Variants in NSD2 observed in about 807,000 individuals in gnomAD.
The protein encoded by NSD2 is nuclear receptor binding SET domain protein 2, also known as histone-lysine N-methyltransferase NSD2.
A neutral mutation model predicts 139.0 loss-of-function variants in NSD2; 12 were observed. The ratio of observed to expected loss-of-function variants is 0.09; its 90% CI spans 0.06 to 0.14. The LOEUF is 0.14. Among genes scored for constraint, NSD2 ranks in the 10% least tolerant of loss-of-function variants. The probability of loss-of-function intolerance (pLI) is 1.00; values close to 1 mark genes in which losing one functional copy is unlikely to be tolerated. For missense variants in NSD2, 1,155 were observed against 1,745.0 expected (o/e 0.66, Z 6.02); for synonymous variants, 669 against 648.7 (o/e 1.03, Z -0.48).
chr4:1,975,217 G>A, intron 19 of NSD2, 77 bp from the exon 20 acceptor site: 1 of 1,468,644 alleles, frequency 6.8e-7, no homozygotes, highest in Non-Finnish European at 9.5e-7. Flanking sequence ...TATTTTTGTT[G>A]ACCTAATACA....
chr4:1,945,331 C>G (rs1342009135), intron 9 of NSD2: 1 of 1,065,630 alleles, frequency 9.4e-7, no homozygotes, highest in Non-Finnish European at 1.1e-6. Flanking sequence ...GAGAGCCATG[C>G]TGTCAGGAGC....
At chr4:1,943,348 A>G (rs943732559) in intron 9 of NSD2, 47 of 1,043,068 alleles carry the variant, frequency 4.5e-5, no homozygotes, top group Non-Finnish European at 5.0e-5. Flanking sequence ...AATGTAACGC[A>G]TGTAAGATGC....
rs576975475 is a variant in NSD2 at position 1,968,735 on chromosome 4, A to C, written c.3373-6128A>C. On this transcript the variant is annotated intron_variant, in intron 18 of 21. Coordinates refer to ENST00000508803, the MANE Select transcript of NSD2 (RefSeq NM_001042424.3). ...TTAGGGTCAGTACATAGTAACAACAAGGAAAGGCTCCCACAGGCCTTAATG... is the reference window on the plus strand; with the variant it reads ...TTAGGGTCAGTACATAGTAACAACACGGAAAGGCTCCCACAGGCCTTAATG... Among the ~76,000 whole-genome samples, 3 of 152,338 alleles carry C rather than the reference A, an allele frequency of 2.0e-5. No individual in the cohort carries two copies. The South Asian group carries it at 6.2e-4, about 32-fold the overall frequency.
At chr4:1,879,011 C>T (rs1714507794) in intron 1 of NSD2, among the ~76,000 whole-genome samples, 1 of 152,048 alleles carries the variant, frequency 6.6e-6, no homozygotes, top group Non-Finnish European at 1.5e-5. Flanking sequence ...GAAAGTGGGC[C>T]TCGCTTCTGA....
intron 18 of NSD2, among the ~76,000 whole-genome samples, chr4:1,970,247 C>A (rs976593463): frequency 1.4e-4 from 21 of 152,204 alleles, no homozygotes; most frequent in Non-Finnish European, 4.4e-5. Flanking sequence ...GCCTAAATTG[C>A]TTCTAAGGGG....
Position 1,973,045 on chromosome 4 carries a change from T to C in NSD2, c.3373-1818T>C, listed in dbSNP as rs745560249. On this transcript the variant is annotated intron_variant, in intron 18 of 21. Transcript: ENST00000508803. The surrounding 1 kb of genome is among the most constrained non-coding windows in gnomAD (Gnocchi z 5.5). ...TTTTTTGTATTTTTATTAGAGACAG[T>C]TTCACCATGTTGGCCAGGCTGGTTT... Among the ~76,000 whole-genome samples, 8 of 152,136 alleles carry C rather than the reference T, an allele frequency of 5.3e-5. No individual in the cohort carries two copies. Among genetic ancestry groups the C allele is most frequent in the Non-Finnish European group, 8.8e-5 (6 of 68,024 alleles).
In NSD2 at chr4:1,948,554, G is replaced by A; in HGVS notation, c.1882-2518G>A. 9.4e-7 allele frequency: 1 copy of A among 1,064,596 alleles called. No homozygotes were observed. The highest frequency in any genetic ancestry group is 1.1e-6 in the Non-Finnish European group (1 of 877,904). The allele number at this position is 1,064,596 out of a possible 1,614,324, so 65.9% of individuals were successfully genotyped here. On this transcript the variant is annotated intron_variant, in intron 9 of 21. Transcript: ENST00000508803. The surrounding 1 kb of genome is among the most constrained non-coding windows in gnomAD (Gnocchi z 4.5). ...AGTTGTCTGTCCGGTGGCTGGGAGG[G>A]GGTGTGGTGGGAAAAAGTCGGAATC... is the stretch of plus-strand genomic sequence containing the variant.
chr4:1,947,025 G>T, intron 9 of NSD2: 1 of 1,064,002 alleles, frequency 9.4e-7, no homozygotes, highest in Non-Finnish European at 1.1e-6. Context: ...GGTAGGGGTG[G>T]GGGTCCTGGT....
In NSD2 at chr4:1,951,443, T is replaced by TCCACACACACAC. The variant is rs1310266241; in HGVS notation, c.2013+240_2013+241insCCACACACACAC. Reference sequence around the variant, plus strand: ...TGAGATTTGTATACACATCATGTAATACACACACACACACACACACACACA... The same window carrying TCCACACACACAC: ...TGAGATTTGTATACACATCATGTAATCCACACACACACACACACACACACACACACACACACA... On this transcript the variant is annotated intron_variant, in intron 10 of 21. Transcript: ENST00000508803. Among the ~76,000 whole-genome samples, 50 of 101,078 alleles carry TCCACACACACAC rather than the reference T, an allele frequency of 4.9e-4. 10 individuals carry two copies. The highest frequency in any genetic ancestry group is 2.0e-3 in the East Asian group (6 of 2,954). 66.3% of individuals were successfully genotyped at this position (101,078 alleles called of 152,430 possible).
chr4:1,891,639 TGAG>T (rs939915642), intron 1 of NSD2, among the ~76,000 whole-genome samples: 4 of 151,534 alleles, frequency 2.6e-5, no homozygotes, highest in African/African-American at 9.7e-5. Context: ...GTTCACGAGG[TGAG>T]GAGATCGAGA....
At chr4:1,941,461 A>G (rs577545379) in intron 9 of NSD2, 7 of 1,047,478 alleles carry the variant, frequency 6.7e-6, no homozygotes, top group Non-Finnish European at 8.1e-6. Flanking sequence ...AGGCCTGCCC[A>G]TGAGTCAGGG....
chr4:1,934,909 A>AT (rs1491516751), intron 6 of NSD2, among the ~76,000 whole-genome samples: 1,173 of 117,294 alleles, frequency 0.01, 38 homozygotes, highest in African/African-American at 0.015. Context: ...ATATATATAT[A>AT]AAAAACAGAT....
At chr4:1,944,481 C>T (rs1255528808) in intron 9 of NSD2, 8 of 1,065,242 alleles carry the variant, frequency 7.5e-6, no homozygotes, top group Non-Finnish European at 9.1e-6. Flanking sequence ...CATTTTAGTC[C>T]CATTTGACTC....
chr4:1,945,449 G>C (rs752331666), intron 9 of NSD2: 77 of 1,063,762 alleles, frequency 7.2e-5, no homozygotes, highest in Non-Finnish European at 8.5e-5. Flanking sequence ...CTGTCACAGA[G>C]AAGTTTAAAA....
At position 1,982,186 on chromosome 4, in the gene NSD2, T is replaced by G. The variant is rs569374683; in HGVS notation, c.*3277T>G. On this transcript the variant is annotated 3_prime_UTR_variant, in exon 22 of 22. Transcript: ENST00000508803. ...GAGTATTTTTGTATTAAAAACATTT[T>G]AAAGGCTTTTTTCTTAACTTATTTT... 3 of 369,428 alleles carry G rather than the reference T, an allele frequency of 8.1e-6. No homozygotes were observed. The East Asian group carries it at 1.2e-4, about 14-fold the overall frequency. 22.9% of individuals were successfully genotyped at this position (369,428 alleles called of 1,614,324 possible).
Position 1,978,926 on chromosome 4 carries a change from G to A in NSD2, c.*17G>A. 6.7e-7 allele frequency: 1 copy of A among 1,483,034 alleles called. No individual in the cohort carries two copies. Among genetic ancestry groups the A allele is most frequent in the Non-Finnish European group, 9.0e-7 (1 of 1,113,848 alleles). 91.9% of individuals were successfully genotyped at this position (1,483,034 alleles called of 1,614,324 possible). A position where few individuals can be genotyped will look rare whatever the true frequency, so the allele number is the denominator to read the frequency against. On this transcript the variant is annotated 3_prime_UTR_variant, in exon 22 of 22. Coordinates refer to ENST00000508803, the MANE Select transcript of NSD2 (RefSeq NM_001042424.3). ...GGCAAATAGCGCCAGGCGGCCGCTT[G>A]GCCGGATCCAGGGGCGGTGCAGGGC...
At chr4:1,893,528 C>CT (rs1179799442) in intron 1 of NSD2, among the ~76,000 whole-genome samples, 5 of 149,082 alleles carry the variant, frequency 3.4e-5, no homozygotes, top group Admixed American at 6.7e-5. Context: ...TATTTTGCCT[C>CT]TTTTTTTGTT....
rs1231778808 is a variant in NSD2 at position 1,948,775 on chromosome 4, CT to C, written c.1882-2292del. On this transcript the variant is annotated intron_variant, in intron 9 of 21. Transcript: ENST00000508803. This position sits in a 1 kb window ranked among gnomAD's most constrained non-coding sequence, Gnocchi z 4.5. ...ATCTCTCCAAGTGGAAACGTGCTAACTTTTTCTGTAAATCTGAAATAAAAGG... is the reference window on the plus strand; with the variant it reads ...ATCTCTCCAAGTGGAAACGTGCTAACTTTTCTGTAAATCTGAAATAAAAGG... 3.0e-5 allele frequency: 31 copies of C among 1,041,986 alleles called. No homozygotes were observed. The highest frequency in any genetic ancestry group is 4.6e-5 in the South Asian group (1 of 21,752). The allele number at this position is 1,041,986 out of a possible 1,614,324, so 64.5% of individuals were successfully genotyped here.
At chr4:1,872,591 T>TGTGTGTGAGAGAGAGA (rs1281608141) in intron 1 of NSD2, among the ~76,000 whole-genome samples, 11 of 44,890 alleles carry the variant, frequency 2.5e-4, no homozygotes, top group East Asian at 2.5e-3. Flanking sequence ...TGTGTGTGTG[T>TGTGTGTGAGAGAGAGA]GAGAGAGAGA....
Sources: allele counts gnomAD v4.1 joint callset (sites outside exome capture counted in the v4.1 genomes callset), GRCh38; gene constraint gnomAD v4.1.1; non-coding constraint Gnocchi (gnomAD v3.1); transcripts MANE v1.5; gene names NCBI Gene and HGNC (gene_info 2026-07-23, HGNC 2026-07-21).